Variants in TRIO observed in about 807,000 individuals in gnomAD.
TRIO encodes the protein trio Rho guanine nucleotide exchange factor.
In TRIO, 58 loss-of-function variants were observed where a neutral mutation model predicts 351.9. The observed-to-expected ratio is 0.16, with a 90% CI of 0.13 to 0.21. The LOEUF (loss-of-function observed/expected upper bound fraction) is 0.21. Among genes scored for constraint, TRIO ranks in the 10% least tolerant of loss-of-function variants. The pLI is 1.00. For missense variants in TRIO, 3,201 were observed against 4,027.8 expected (o/e 0.79, Z 5.56); for synonymous variants, 1,758 against 1,595.7 (o/e 1.10, Z -2.42).
intron 11 of TRIO, among the ~76,000 whole-genome samples, chr5:14,347,958 T>C (rs1287350631): frequency 6.6e-6 from 1 of 152,248 alleles, no homozygotes; most frequent in Non-Finnish European, 1.5e-5. Flanking sequence ...AAGAATCACA[T>C]AGGTGGCAAC....
At chr5:14,147,689 C>T (rs896161531) in intron 1 of TRIO, among the ~76,000 whole-genome samples, 2 of 152,162 alleles carry the variant, frequency 1.3e-5, no homozygotes, top group African/African-American at 2.4e-5. Flanking sequence ...AGCACACATA[C>T]TTTTATATAT....
At chr5:14,164,374 C>G (rs1213135543) in intron 1 of TRIO, among the ~76,000 whole-genome samples, 1 of 152,218 alleles carries the variant, frequency 6.6e-6, no homozygotes, top group Non-Finnish European at 1.5e-5. Context: ...GGTAACTGTC[C>G]TGCCCCAGAA....
At chr5:14,170,516 T>C (rs1409578887) in intron 1 of TRIO, among the ~76,000 whole-genome samples, 1 of 151,712 alleles carries the variant, frequency 6.6e-6, no homozygotes, top group Non-Finnish European at 1.5e-5. Context: ...CTCTTTTTTT[T>C]TTTTTTTTTT....
At chr5:14,317,229 G>A (rs1253464041) in intron 9 of TRIO, among the ~76,000 whole-genome samples, 1 of 152,126 alleles carries the variant, frequency 6.6e-6, no homozygotes, top group Admixed American at 6.5e-5. Context: ...CTAAGCAGTT[G>A]CCATCTCTTT....
chr5:14,215,968 C>T (rs1461297497), intron 1 of TRIO, among the ~76,000 whole-genome samples: 2 of 152,110 alleles, frequency 1.3e-5, no homozygotes, highest in Admixed American at 6.6e-5. Flanking sequence ...TTAATCAAGC[C>T]GTTTGATCTT....
At chr5:14,209,217 G>T (rs1186292266) in intron 1 of TRIO, among the ~76,000 whole-genome samples, 1 of 152,170 alleles carries the variant, frequency 6.6e-6, no homozygotes, top group African/African-American at 2.4e-5. Context: ...GCTAAAATGA[G>T]TAAATTTTAT....
chr5:14,292,837 A>G (rs1278222551), intron 5 of TRIO, among the ~76,000 whole-genome samples, 175 bp from the exon 6 acceptor site: 1 of 152,226 alleles, frequency 6.6e-6, no homozygotes, highest in African/African-American at 2.4e-5. Flanking sequence ...AGGTCCTGCA[A>G]GTTCAGAACT....
At chr5:14,192,533 C>A (rs1486767001) in intron 1 of TRIO, among the ~76,000 whole-genome samples, 1 of 152,146 alleles carries the variant, frequency 6.6e-6, no homozygotes, top group Non-Finnish European at 1.5e-5. Flanking sequence ...TTCGGCCTCT[C>A]ACCATATTTT....
chr5:14,374,452 G>A (rs1745386842), intron 19 of TRIO, 109 bp downstream of exon 19: 3 of 690,202 alleles, frequency 4.3e-6, no homozygotes, highest in African/African-American at 1.8e-5. Context: ...CATTTTAAAT[G>A]TCCGTTTCAT....
chr5:14,350,515 C>A (rs761295372), intron 11 of TRIO, among the ~76,000 whole-genome samples: 1 of 152,206 alleles, frequency 6.6e-6, no homozygotes, highest in Non-Finnish European at 1.5e-5. Flanking sequence ...TTAGTCACGT[C>A]CATCTTCTGT....
At chr5:14,313,425 A>T (rs1019866142) in intron 8 of TRIO, among the ~76,000 whole-genome samples, 1 of 152,214 alleles carries the variant, frequency 6.6e-6, no homozygotes, top group Non-Finnish European at 1.5e-5. Flanking sequence ...ATTGCATGGA[A>T]TGTTGTTGCT....
At chr5:14,295,957 G>C (rs1249809638) in intron 6 of TRIO, among the ~76,000 whole-genome samples, 2 of 152,198 alleles carry the variant, frequency 1.3e-5, no homozygotes, top group Non-Finnish European at 2.9e-5. Flanking sequence ...GTTTGGGTCA[G>C]AAATAGAGGG....
chr5:14,162,869 C>G lies in TRIO; in HGVS notation c.157+18987C>G, dbSNP rs189150431. ...TTGCCCAGGCTGGCATGCAGTGGCA[C>G]GATCTTGGCTCACTGCAGCCTCCAC... On this transcript the variant is annotated intron_variant, in intron 1 of 56. Coordinates refer to ENST00000344204, the MANE Select transcript of TRIO (RefSeq NM_007118.4). 3.9e-5 allele frequency among the ~76,000 whole-genome samples: 6 copies of G among 152,238 alleles called. No homozygotes were observed. In the East Asian group the frequency reaches 9.6e-4, roughly 24 times the overall value.
intron 5 of TRIO, among the ~76,000 whole-genome samples, chr5:14,291,660 G>A (rs1485053023): frequency 3.3e-5 from 5 of 151,562 alleles, no homozygotes; most frequent in East Asian, 1.9e-4. Flanking sequence ...GTGGTGGCAC[G>A]CGCCTGTAAT....
chr5:14,472,764 T>C, intron 39 of TRIO, 106 bp downstream of exon 39: 1 of 1,253,350 alleles, frequency 8.0e-7, no homozygotes, highest in Non-Finnish European at 1.1e-6. Flanking sequence ...AAAAACATTT[T>C]TGACCCAAAA....
chr5:14,471,231 T>C, intron 37 of TRIO, 87 bp from the exon 38 acceptor site: 1 of 1,399,776 alleles, frequency 7.1e-7, no homozygotes, highest in African/African-American at 1.4e-5. Context: ...TTCTGTATTT[T>C]CTGACTTTGG....
chr5:14,192,289 T>G (rs1403781735), intron 1 of TRIO, among the ~76,000 whole-genome samples: 1 of 151,818 alleles, frequency 6.6e-6, no homozygotes, highest in Non-Finnish European at 1.5e-5. Context: ...GAACAGAGTC[T>G]TGCTCTGTCG....
chr5:14,223,482 A>G (rs533868212), intron 1 of TRIO, among the ~76,000 whole-genome samples: 4 of 152,296 alleles, frequency 2.6e-5, no homozygotes, highest in African/African-American at 7.2e-5. Context: ...TCTGTGTCCT[A>G]TTCACCAAGG....
At chr5:14,236,642 C>T (rs1793782876) in intron 1 of TRIO, among the ~76,000 whole-genome samples, 1 of 152,174 alleles carries the variant, frequency 6.6e-6, no homozygotes, top group Admixed American at 6.5e-5. Flanking sequence ...ACCAATTACT[C>T]TTTTGTGTGG....
Sources: allele counts gnomAD v4.1 joint callset (sites outside exome capture counted in the v4.1 genomes callset), GRCh38; gene constraint gnomAD v4.1.1; transcripts MANE v1.5; gene names NCBI Gene and HGNC (gene_info 2026-07-23, HGNC 2026-07-21).